The following KDM4C variants were observed in gnomAD, a reference collection of about 807,000 sequenced individuals.
KDM4C encodes lysine-specific demethylase 4C.
Under a neutral mutation model 129.3 loss-of-function variants are expected in KDM4C, and 81 were observed. The observed-to-expected ratio is 0.63, with a 90% CI of 0.52 to 0.75. The LOEUF (loss-of-function observed/expected upper bound fraction) is 0.75. Among genes scored for constraint, KDM4C ranks in the 30% least tolerant of loss-of-function variants. The pLI is 0.00. For missense variants in KDM4C, 1,457 were observed against 1,304.0 expected (o/e 1.12, Z -1.81); for synonymous variants, 573 against 456.1 (o/e 1.26, Z -3.26).
chr9:7,161,498 G>A (rs1024616548), intron 19 of KDM4C, among the ~76,000 whole-genome samples: 13 of 152,128 alleles, frequency 8.5e-5, no homozygotes, highest in African/African-American at 1.9e-4. Context: ...TCTCTACCCC[G>A]AATGAAATCT....
intron 5 of KDM4C, among the ~76,000 whole-genome samples, chr9:6,857,373 T>C (rs182562714): frequency 3.3e-4 from 50 of 152,370 alleles, no homozygotes; most frequent in Middle Eastern, 3.4e-3. Context: ...GTATTAGCTT[T>C]GTACATAGCT....
intron 17 of KDM4C, among the ~76,000 whole-genome samples, chr9:7,051,937 A>G (rs1830205158): frequency 6.6e-6 from 1 of 152,170 alleles, no homozygotes; most frequent in African/African-American, 2.4e-5. Context: ...GCATCATAGG[A>G]TTCCAGCAGC....
intron 3 of KDM4C, among the ~76,000 whole-genome samples, chr9:6,812,665 T>C (rs1357064934): frequency 1.3e-5 from 2 of 152,194 alleles, no homozygotes; most frequent in Non-Finnish European, 2.9e-5. Context: ...TGACCTCCTA[T>C]GCATCCCTGT....
chr9:6,963,982 G>T (rs1269780995), intron 8 of KDM4C, among the ~76,000 whole-genome samples: 1 of 152,164 alleles, frequency 6.6e-6, no homozygotes, highest in Non-Finnish European at 1.5e-5. Context: ...CAAGCTGTTG[G>T]AGCTAATAAT....
intron 5 of KDM4C, among the ~76,000 whole-genome samples, chr9:6,859,644 C>G (rs575153889): frequency 1.3e-5 from 2 of 150,394 alleles, no homozygotes; most frequent in Non-Finnish European, 3.0e-5. Context: ...GGGCAGATCG[C>G]GAGATCCGGA....
chr9:7,004,582 G>A (rs1821315692), intron 12 of KDM4C, among the ~76,000 whole-genome samples: 1 of 151,950 alleles, frequency 6.6e-6, no homozygotes, highest in African/African-American at 2.4e-5. Context: ...ATATAGCTAT[G>A]CCATAATTTA....
chr9:6,962,840 A>G (rs1174029317), intron 8 of KDM4C, among the ~76,000 whole-genome samples: 1 of 152,228 alleles, frequency 6.6e-6, no homozygotes, highest in Non-Finnish European at 1.5e-5. Context: ...AAAAAAAGAA[A>G]TCAACATCAA....
intron 6 of KDM4C, among the ~76,000 whole-genome samples, chr9:6,887,276 G>T (rs1045251058): frequency 1.4e-4 from 21 of 152,212 alleles, no homozygotes; most frequent in African/African-American, 5.1e-4. Flanking sequence ...TTTGAAGTCA[G>T]CGATGGAGAA....
chr9:6,985,744 G>A (rs377246457), intron 10 of KDM4C, among the ~76,000 whole-genome samples: 2 of 152,124 alleles, frequency 1.3e-5, no homozygotes, highest in Non-Finnish European at 2.9e-5. Context: ...AGGCTGGAGT[G>A]CCGTGGCACA....
In KDM4C at chr9:6,986,607, G is replaced by A; in HGVS notation, c.1618G>A (p.Glu540Lys). 1 of 1,614,038 alleles carries A rather than the reference G, an allele frequency of 6.2e-7. No homozygotes were observed. The highest frequency in any genetic ancestry group is 8.5e-7 in the Non-Finnish European group (1 of 1,179,934). ...TGTGGAGAGCCATGGGAATGGCCTT[G>A]AACCTGGGGAAATCCCAGCGGTCCC... ...SDVESHGNGL[E>K]PGEIPAVPSG... The change falls in exon 11 of 22, where the codon GAA (glutamate) becomes AAA (lysine). Residue 540 changes from glutamate to lysine, a missense_variant. Physicochemically the swap from Glu to Lys is moderately conservative, Grantham distance 56 (BLOSUM62 1). Transcript: ENST00000381309.
chr9:6,835,655 G>C, intron 4 of KDM4C: 2 of 746,310 alleles, frequency 2.7e-6, no homozygotes, highest in South Asian at 3.0e-5. Context: ...AGATTGGCAT[G>C]GCTTTATTTT....
intron 8 of KDM4C, among the ~76,000 whole-genome samples, chr9:6,939,980 T>TACCTA (rs1825589351): frequency 1.2e-5 from 1 of 82,740 alleles, no homozygotes; most frequent in African/African-American, 4.5e-5. Flanking sequence ...CTACCTACCT[T>TACCTA]CCTTCCTTCC....
intron 1 of KDM4C, among the ~76,000 whole-genome samples, chr9:6,752,514 G>C (rs928417453): frequency 6.7e-6 from 1 of 149,192 alleles, no homozygotes; most frequent in Non-Finnish European, 1.5e-5. Context: ...GGGTTCAAGC[G>C]ATTCTCCTGC....
intron 8 of KDM4C, among the ~76,000 whole-genome samples, chr9:6,899,704 A>C (rs2130959679): frequency 6.6e-6 from 1 of 152,320 alleles, no homozygotes; most frequent in East Asian, 1.9e-4. Flanking sequence ...GAGTTGTGGG[A>C]TTCAGGATAT....
At chr9:6,851,569 A>C (rs115863511) in intron 5 of KDM4C, among the ~76,000 whole-genome samples, 7 of 152,186 alleles carry the variant, frequency 4.6e-5, no homozygotes, top group Non-Finnish European at 1.0e-4. Context: ...AGGCAACTAC[A>C]TACTATGTCT....
chr9:6,914,287 G>A (rs1231002884), intron 8 of KDM4C, among the ~76,000 whole-genome samples: 1 of 152,072 alleles, frequency 6.6e-6, no homozygotes, highest in African/African-American at 2.4e-5. Flanking sequence ...TTGAACTCCC[G>A]ACCTCAGGTG....
chr9:6,793,335 C>A (rs1243681390), intron 2 of KDM4C, among the ~76,000 whole-genome samples: 1 of 151,116 alleles, frequency 6.6e-6, no homozygotes, highest in East Asian at 1.9e-4. Flanking sequence ...ACTAGGTTGT[C>A]TTCTAAGGCT....
intron 1 of KDM4C, among the ~76,000 whole-genome samples, chr9:6,772,460 C>G (rs1052534281): frequency 6.6e-6 from 1 of 152,140 alleles, no homozygotes; most frequent in African/African-American, 2.4e-5. Flanking sequence ...CTCCTGCGTT[C>G]AAGCGATTCT....
intron 8 of KDM4C, among the ~76,000 whole-genome samples, chr9:6,949,760 C>T (rs1209115474): frequency 6.6e-6 from 1 of 152,196 alleles, no homozygotes; most frequent in Non-Finnish European, 1.5e-5. Flanking sequence ...GAGAATCAGG[C>T]AGGGAGGTTG....
Sources: allele counts gnomAD v4.1 joint callset (sites outside exome capture counted in the v4.1 genomes callset), GRCh38; gene constraint gnomAD v4.1.1; transcripts MANE v1.5; gene names NCBI Gene and HGNC (gene_info 2026-07-23, HGNC 2026-07-21).